Variants in SAMD11 observed in about 807,000 individuals in gnomAD.
SAMD11 encodes the protein sterile alpha motif domain containing 11.
Under a neutral mutation model 64.4 loss-of-function variants are expected in SAMD11, and 77 were observed. The observed-to-expected ratio is 1.20, with a 90% CI of 0.99 to 1.44. The LOEUF is 1.44. Ranked by LOEUF, SAMD11 falls within the 40% of genes most tolerant of loss-of-function variation. The pLI is 0.00. For missense variants in SAMD11, 1,402 were observed against 943.3 expected, an observed-to-expected ratio of 1.49 and a Z score of -6.37; for synonymous variants, 658 against 421.9, an observed-to-expected ratio of 1.56 and a Z score of -6.86.
rs1641145942 is a variant in SAMD11 at position 931,096 on chromosome 1, G to A, written c.842+7G>A. 4 of 1,611,554 alleles carry A rather than the reference G, an allele frequency of 2.5e-6. No homozygotes were observed. The highest frequency in any genetic ancestry group is 3.4e-6 in the Non-Finnish European group (4 of 1,179,228). ...TCCGAGAGGCGTCCTGCAGGTAGGAGCCGTGCTGTGCGTGCATAAGAGGGG... is the reference window on the plus strand; with the variant it reads ...TCCGAGAGGCGTCCTGCAGGTAGGAACCGTGCTGTGCGTGCATAAGAGGGG... On this transcript the variant is annotated splice_region_variant and intron_variant, in intron 4 of 13. Coordinates refer to ENST00000616016, the MANE Select transcript of SAMD11 (RefSeq NM_001385641.1).
chr1:928,891 G>A (rs1295707032), intron 2 of SAMD11, among the ~76,000 whole-genome samples: 2 of 152,188 alleles, frequency 1.3e-5, no homozygotes, highest in Non-Finnish European at 2.9e-5. Context: ...GTGGTTCTAG[G>A]TCTGAGGAGG....
chr1:944,546 T>C lies in SAMD11; in HGVS notation c.*393T>C. The stretch of plus-strand genomic sequence containing the variant: ...CCCAGCTCTCGATACGTTTGGTCTT[T>C]CATGCTGAAAAATAAATAATAAAGC... On this transcript the variant is annotated 3_prime_UTR_variant, in exon 14 of 14. Transcript: ENST00000616016. The C allele has an allele frequency of 1.6e-6, 1 of 630,012 alleles. No homozygotes were observed. The highest frequency in any genetic ancestry group is 2.7e-6 in the Non-Finnish European group (1 of 372,114). The allele number at this position is 630,012 out of a possible 1,614,324, so 39.0% of individuals were successfully genotyped here.
intron 4 of SAMD11, among the ~76,000 whole-genome samples, chr1:933,913 A>G (rs1641285254): frequency 6.6e-6 from 1 of 152,064 alleles, no homozygotes; most frequent in Non-Finnish European, 1.5e-5. Flanking sequence ...GGGAGCCGGG[A>G]GCTATTTAAC....
intron 2 of SAMD11, among the ~76,000 whole-genome samples, chr1:929,219 C>T (rs958388865): frequency 3.3e-5 from 5 of 152,348 alleles, no homozygotes; most frequent in South Asian, 2.1e-4. Context: ...CGCGTGTGTG[C>T]GTCAGCTCGG....
intron 7 of SAMD11, among the ~76,000 whole-genome samples, chr1:940,683 T>TGCGC (rs1641709269): frequency 6.6e-6 from 1 of 151,990 alleles, no homozygotes. Flanking sequence ...GTGGCGTGCG[T>TGCGC]GCGCGGGCGC....
chr1:935,145 G>A (rs1641363133), intron 4 of SAMD11, among the ~76,000 whole-genome samples: 1 of 152,144 alleles, frequency 6.6e-6, no homozygotes, highest in Non-Finnish European at 1.5e-5. Flanking sequence ...GAGGAGAAAT[G>A]AGGGAAGAAA....
chr1:938,935 GGCC>G, intron 5 of SAMD11, 102 bp from the exon 6 acceptor site: 4 of 1,003,662 alleles, frequency 4.0e-6, no homozygotes, highest in Non-Finnish European at 6.2e-6. Context: ...CAGGACCAAG[GGCC>G]CCCTGAGAGA....
chr1:942,975 C>T lies in SAMD11; in HGVS notation c.1970C>T (p.Ala657Val), dbSNP rs767059311. ...CCGGGCCAAGCTCCAGCTGGAGGGG[C>T]CGGCGCCGAGGGGAAGGGGCTTTTC... ...PTPGQAPAGG[A>V]GAEGKGLFPG... The change falls in exon 11 of 14, where the codon GCC becomes GTC. Residue 657 changes from alanine to valine, a missense_variant. Coordinates refer to ENST00000616016, the MANE Select transcript of SAMD11 (RefSeq NM_001385641.1). 2.6e-6 allele frequency: 4 copies of T among 1,535,818 alleles called. No individual in the cohort carries two copies. The highest frequency in any genetic ancestry group is 1.4e-5 in the African/African-American group (1 of 71,900).
chr1:935,311 C>T (rs1022070749), intron 4 of SAMD11, among the ~76,000 whole-genome samples: 1 of 152,094 alleles, frequency 6.6e-6, no homozygotes, highest in African/African-American at 2.4e-5. Flanking sequence ...GTGGTCTGGG[C>T]CTCAGTTTCC....
intron 4 of SAMD11, among the ~76,000 whole-genome samples, chr1:932,051 A>G (rs765074235): frequency 2.6e-5 from 4 of 152,218 alleles, no homozygotes; most frequent in South Asian, 4.1e-4. Context: ...CAGATGTGTT[A>G]TTATTTATGT....
At chr1:935,248 C>A (rs1188981313) in intron 4 of SAMD11, among the ~76,000 whole-genome samples, 1 of 152,262 alleles carries the variant, frequency 6.6e-6, no homozygotes, top group South Asian at 2.1e-4. Flanking sequence ...GCGAGCTGCA[C>A]GTGTCTGCCG....
At chr1:927,920 G>A (rs1371202040) in intron 2 of SAMD11, among the ~76,000 whole-genome samples, 2 of 152,254 alleles carry the variant, frequency 1.3e-5, no homozygotes, top group Non-Finnish European at 2.9e-5. Context: ...TGGGGTGCCG[G>A]TGTGTCCCCA....
intron 5 of SAMD11, 135 bp downstream of exon 5, chr1:936,031 T>C: frequency 1.1e-6 from 1 of 918,334 alleles, no homozygotes; most frequent in Non-Finnish European, 1.6e-6. Flanking sequence ...AGGGGCTGCA[T>C]GGGATGGTAA....
chr1:936,015 TC>T, intron 5 of SAMD11, 119 bp downstream of exon 5: 1 of 1,063,368 alleles, frequency 9.4e-7, no homozygotes, highest in Non-Finnish European at 1.4e-6. Flanking sequence ...GAGCGGCCTG[TC>T]CCCCAGGGGC....
chr1:932,124 C>T (rs1379899220), intron 4 of SAMD11, among the ~76,000 whole-genome samples: 7 of 152,238 alleles, frequency 4.6e-5, no homozygotes, highest in East Asian at 1.9e-4. Flanking sequence ...CTTATTTCTA[C>T]CTCATTTTGG....
chr1:941,566 C>G (rs1050910241), intron 8 of SAMD11, among the ~76,000 whole-genome samples: 1 of 152,036 alleles, frequency 6.6e-6, no homozygotes, highest in Non-Finnish European at 1.5e-5. Flanking sequence ...AGTCTGGAAC[C>G]CCGGGGTCAG....
At chr1:933,979 CA>C in intron 4 of SAMD11, among the ~76,000 whole-genome samples, 1 of 150,460 alleles carries the variant, frequency 6.6e-6, no homozygotes, top group African/African-American at 2.5e-5. Context: ...TACAGGTGGG[CA>C]GGGGAGGCGG....
intron 4 of SAMD11, among the ~76,000 whole-genome samples, chr1:932,141 C>T (rs1641195146): frequency 1.3e-5 from 2 of 152,242 alleles, no homozygotes; most frequent in African/African-American, 2.4e-5. Context: ...TTGGGGTTGC[C>T]AGCTCACCTG....
At position 943,298 on chromosome 1, in the gene SAMD11, C is replaced by T; in HGVS notation, c.2099C>T (p.Pro700Leu). 2 of 1,612,610 alleles carry T rather than the reference C, an allele frequency of 1.2e-6. No homozygotes were observed. Among genetic ancestry groups the T allele is most frequent in the Non-Finnish European group, 1.7e-6 (2 of 1,179,742 alleles). ...ATGGATGGGGAGGAGGCCCCAGCCC[C>T]TGAGGACGTCACCAAGTGGACCGTG... is the stretch of plus-strand genomic sequence containing the variant. Reference protein sequence around the residue: ...LSMDGEEAPAPEDVTKWTVDD... With the variant: ...LSMDGEEAPALEDVTKWTVDD... The change falls in exon 12 of 14, where the codon CCT becomes CTT. Residue 700 changes from proline (P) to leucine (L), a missense_variant. Pro to Leu is a moderately conservative substitution (Grantham distance 98, BLOSUM62 -3). Coordinates refer to ENST00000616016, the MANE Select transcript of SAMD11 (RefSeq NM_001385641.1).
Sources: gnomAD v4.1 joint callset for allele counts (sites outside exome capture counted in the v4.1 genomes callset) on GRCh38, gnomAD v4.1.1 for gene constraint, MANE v1.5 for transcripts, NCBI Gene and HGNC (gene_info 2026-07-23, HGNC 2026-07-21) for gene names.